Variants in GABRR2 observed in about 807,000 individuals in gnomAD.
GABRR2 encodes gamma-aminobutyric acid type A receptor subunit rho2.
GABRR2 carries 36 observed loss-of-function variants against 47.0 expected under a neutral mutation model. The observed-to-expected ratio is 0.77, with a 90% CI of 0.59 to 1.01. The LOEUF (loss-of-function observed/expected upper bound fraction) is 1.01. Ranked by LOEUF, GABRR2 falls within the 50% of genes least tolerant of loss-of-function variation. The pLI is 0.00. For synonymous variants in GABRR2, 204 were observed against 227.5 expected, an observed-to-expected ratio of 0.90 and a Z score of 0.93; for missense variants, 587 against 594.6, an observed-to-expected ratio of 0.99 and a Z score of 0.13.
rs767729882 is a variant in GABRR2 at position 89,257,810 on chromosome 6, C to T, written c.1258G>A (p.Ala420Thr). The change falls in exon 9 of 9, where the codon GCC (alanine) becomes ACC (threonine). Residue 420 changes from alanine to threonine, a missense_variant. Physicochemically the swap from Ala to Thr is moderately conservative, Grantham distance 58 (BLOSUM62 0). Transcript: ENST00000402938. ...CCCTTCAGAAGCCCCTTCTTTCTGG[C>T]AGCGTTGGCTTCACCACTCAGGCCC... ...HLGLSGEANA[A>T]RKKGLLKGQT... 7.4e-6 allele frequency: 12 copies of T among 1,614,062 alleles called. No homozygotes were observed. Among genetic ancestry groups the T allele is most frequent in the Non-Finnish European group, 1.0e-5 (12 of 1,179,906 alleles).
intron 2 of GABRR2, among the ~76,000 whole-genome samples, chr6:89,274,203 T>A (rs1774114241): frequency 6.6e-6 from 1 of 152,150 alleles, no homozygotes. Flanking sequence ...CCATGCGGAG[T>A]GCAGGTCAAG....
At position 89,264,442 on chromosome 6, in the gene GABRR2, C is replaced by A; in HGVS notation, c.1056G>T (p.Gln352His). 6.2e-7 allele frequency: 1 copy of A among 1,614,030 alleles called. No homozygotes were observed. Among genetic ancestry groups the A allele is most frequent in the South Asian group, 1.1e-5 (1 of 91,072 alleles). The change falls in exon 8 of 9, where the codon CAG becomes CAT. Residue 352 changes from glutamine to histidine, a missense_variant. Physicochemically the swap from Gln to His is conservative, Grantham distance 24 (BLOSUM62 0). Transcript: ENST00000402938. Reference protein sequence around the residue: ...YAAVNYLTTVQERKERKLREK... With the variant: ...YAAVNYLTTVHERKERKLREK... Reference sequence around the variant, plus strand: ...CCCGCAGCTTCCGTTCCTTGCGCTCCTGCACGGTGGTCAGGTAGTTGACAG... The same window carrying A: ...CCCGCAGCTTCCGTTCCTTGCGCTCATGCACGGTGGTCAGGTAGTTGACAG...
intron 1 of GABRR2, among the ~76,000 whole-genome samples, chr6:89,303,708 A>G (rs998393734): frequency 6.6e-6 from 1 of 151,956 alleles, no homozygotes; most frequent in East Asian, 1.9e-4. Flanking sequence ...ACTTCCAACT[A>G]TACTACAAGG....
chr6:89,300,852 T>C (rs1424226794), intron 1 of GABRR2, among the ~76,000 whole-genome samples: 1 of 150,662 alleles, frequency 6.6e-6, no homozygotes. Flanking sequence ...TTCCAAAAAA[T>C]TGAGGAGGCG....
chr6:89,296,633 A>T (rs935681179), intron 2 of GABRR2, among the ~76,000 whole-genome samples: 2 of 152,216 alleles, frequency 1.3e-5, no homozygotes, highest in African/African-American at 2.4e-5. Flanking sequence ...GGCAGGGAGC[A>T]GTCCTGACCC....
At chr6:89,270,207 A>C (rs1415327752) in intron 3 of GABRR2, among the ~76,000 whole-genome samples, 1 of 152,144 alleles carries the variant, frequency 6.6e-6, no homozygotes, top group Admixed American at 6.5e-5. Context: ...CCTTCTGGCT[A>C]TTTCCCTTCT....
At chr6:89,297,584 G>C (rs1447860183) in intron 2 of GABRR2, among the ~76,000 whole-genome samples, 1 of 152,242 alleles carries the variant, frequency 6.6e-6, no homozygotes, top group Non-Finnish European at 1.5e-5. Flanking sequence ...GCTGGGCACA[G>C]TGGCACACGC....
In GABRR2 at chr6:89,271,704, C is replaced by T. The variant is rs1306217621; in HGVS notation, c.239G>A (p.Gly80Asp). The change falls in exon 3 of 9, where the codon GGC becomes GAC. Residue 80 changes from glycine (G) to aspartate (D), a missense_variant. By Grantham distance (94) the Gly-to-Asp change is moderately conservative. Transcript: ENST00000402938. ...PAFGGPAIPV[G>D]VDVQVESLDS... ...CAGGCTCTCCACCTGTACGTCCACG[C>T]CCACCGGGATGGCAGGGCCTGCAGA... 1.9e-6 allele frequency: 3 copies of T among 1,612,342 alleles called. No homozygotes were observed. The highest frequency in any genetic ancestry group is 2.7e-5 in the African/African-American group (2 of 74,848).
rs369974835 is a variant in GABRR2, at chr6:89,297,722, G to A, written c.220+2037C>T. Among the ~76,000 whole-genome samples the A allele has an allele frequency of 2.0e-5, 3 of 152,152 alleles. No homozygotes were observed. In the East Asian group the frequency reaches 5.8e-4, roughly 29 times the overall value. On this transcript the variant is annotated intron_variant, in intron 2 of 8. Coordinates refer to ENST00000402938, the MANE Select transcript of GABRR2 (RefSeq NM_002043.5). ...ATACAAAAGAATTAGGCATGGTGGT[G>A]CATGCCTGCAATCCCAGCTATTCAG...
intron 1 of GABRR2, among the ~76,000 whole-genome samples, chr6:89,311,989 C>T (rs138100742): frequency 7.2e-4 from 109 of 152,282 alleles, no homozygotes; most frequent in African/African-American, 2.5e-3. Flanking sequence ...CTGCCTCCAG[C>T]GGAACAGAAC....
chr6:89,300,902 C>G (rs1376706234), intron 1 of GABRR2, among the ~76,000 whole-genome samples: 2 of 152,076 alleles, frequency 1.3e-5, no homozygotes, highest in African/African-American at 2.4e-5. Context: ...CAGCATCATC[C>G]TGATACCAAA....
At chr6:89,286,195 C>T (rs993199948) in intron 2 of GABRR2, among the ~76,000 whole-genome samples, 2 of 152,110 alleles carry the variant, frequency 1.3e-5, no homozygotes, top group South Asian at 2.1e-4. Flanking sequence ...CACAGTTAGA[C>T]GTGGAATCTA....
intron 2 of GABRR2, among the ~76,000 whole-genome samples, chr6:89,292,828 T>TCATATATA (rs1562380006): frequency 2.6e-5 from 1 of 38,260 alleles, no homozygotes; most frequent in Non-Finnish European, 5.1e-5. Flanking sequence ...ATCGTATATA[T>TCATATATA]CGTATATACG....
chr6:89,304,487 A>G (rs7745423), intron 1 of GABRR2, among the ~76,000 whole-genome samples: 90,581 of 151,652 alleles, frequency 0.6, 28,632 homozygotes, highest in African/African-American at 0.8. Context: ...TATTTGGGAC[A>G]CTGAGGCACG....
At chr6:89,290,057 C>T (rs935753574) in intron 2 of GABRR2, among the ~76,000 whole-genome samples, 5 of 152,186 alleles carry the variant, frequency 3.3e-5, no homozygotes, top group Non-Finnish European at 5.9e-5. Context: ...TGCCAAGTAG[C>T]GCTCCATGAC....
chr6:89,275,665 T>A (rs1321936143), intron 2 of GABRR2, among the ~76,000 whole-genome samples: 1 of 152,192 alleles, frequency 6.6e-6, no homozygotes, highest in East Asian at 1.9e-4. Context: ...GGCCCGGTAT[T>A]TGGATCTACT....
At chr6:89,310,902 A>G (rs1767670003) in intron 1 of GABRR2, among the ~76,000 whole-genome samples, 1 of 152,216 alleles carries the variant, frequency 6.6e-6, no homozygotes, top group South Asian at 2.1e-4. Flanking sequence ...AGAGGAAGCT[A>G]TGATAAGATT....
chr6:89,271,666 C>T lies in GABRR2; in HGVS notation c.277G>A (p.Glu93Lys), dbSNP rs200580267. 7.4e-6 allele frequency: 12 copies of T among 1,611,594 alleles called. No individual in the cohort carries two copies. Among genetic ancestry groups the T allele is most frequent in the African/African-American group, 2.7e-5 (2 of 74,952 alleles). The change falls in exon 3 of 9, where the codon GAG (glutamate) becomes AAG (lysine). Residue 93 changes from glutamate (E) to lysine (K), a missense_variant. By Grantham distance (56) the Glu-to-Lys change is moderately conservative (BLOSUM62 1). Transcript: ENST00000402938. ...AGGCCGCTGCATACCATGTCCACCTCGGAGATGCTGTCCAGGCTCTCCACC... is the reference window on the plus strand; with the variant it reads ...AGGCCGCTGCATACCATGTCCACCTTGGAGATGCTGTCCAGGCTCTCCACC... ...VQVESLDSIS[E>K]VDMDFTMTLY...
chr6:89,263,984 G>C (rs532548562), intron 8 of GABRR2, among the ~76,000 whole-genome samples: 12 of 152,200 alleles, frequency 7.9e-5, no homozygotes, highest in African/African-American at 2.9e-4. Context: ...CCCTTCTCTG[G>C]TCATAAGACA....
Sources: allele counts gnomAD v4.1 joint callset (sites outside exome capture counted in the v4.1 genomes callset), GRCh38; gene constraint gnomAD v4.1.1; transcripts MANE v1.5; gene names NCBI Gene and HGNC (gene_info 2026-07-23, HGNC 2026-07-21).